Variants in ATP6V0D1 observed in about 807,000 individuals in gnomAD.
ATP6V0D1 encodes ATPase H+ transporting V0 subunit d1, also known as V-type proton ATPase subunit d 1.
A neutral mutation model predicts 39.0 loss-of-function variants in ATP6V0D1; 13 were observed. That is an observed-to-expected ratio of 0.33 (90% CI 0.22 to 0.53). The LOEUF (loss-of-function observed/expected upper bound fraction) is 0.53. ATP6V0D1 is among the 20% of genes least tolerant of loss of function. The pLI, the probability that ATP6V0D1 is intolerant of heterozygous loss-of-function variation, is 0.94. For synonymous variants in ATP6V0D1, 191 were observed against 191.2 expected, an observed-to-expected ratio of 1.00 and a Z score of 0.01; for missense variants, 272 against 470.9, an observed-to-expected ratio of 0.58 and a Z score of 3.91.
intron 1 of ATP6V0D1, among the ~76,000 whole-genome samples, chr16:67,472,059 C>A (rs2041377623): frequency 6.6e-6 from 1 of 152,104 alleles, no homozygotes; most frequent in South Asian, 2.1e-4. Context: ...TGCCAAACCT[C>A]CCCCCTGCCT....
At chr16:67,439,189 GGA>G (rs1444497494) in intron 5 of ATP6V0D1, 42 bp from the exon 6 acceptor site, 3 of 1,613,368 alleles carry the variant, frequency 1.9e-6, no homozygotes, top group Non-Finnish European at 2.5e-6. Context: ...GGAGGAAGAA[GGA>G]GGCAGTAGCC....
intron 1 of ATP6V0D1, chr16:67,455,715 G>A (rs544885719): frequency 1.9e-4 from 29 of 152,302 alleles, no homozygotes; most frequent in African/African-American, 6.7e-4. Context: ...CCTTACCCCA[G>A]GCCGTCTGCA....
chr16:67,445,956 G>A (rs1453155707), intron 2 of ATP6V0D1: 1 of 455,904 alleles, frequency 2.2e-6, no homozygotes, highest in South Asian at 1.5e-5. Flanking sequence ...CCAAGGTCAA[G>A]GTGAGGCACC....
In ATP6V0D1 at chr16:67,453,511, G is replaced by GC; in HGVS notation, c.302+32_302+33insG. On this transcript the variant is annotated intron_variant, in intron 2 of 7. Transcript: ENST00000290949. This position sits in a 1 kb window ranked among gnomAD's most constrained non-coding sequence, Gnocchi z 4.1. ...CTGCAGGTGTAGCTATCCTGCCCAG[G>GC]TAAGAGAAGAAGGCGCTACAAAGCA... is the stretch of plus-strand genomic sequence containing the variant. 6.2e-7 allele frequency: 1 copy of GC among 1,610,638 alleles called. No individual in the cohort carries two copies. Among genetic ancestry groups the GC allele is most frequent in the Admixed American group, 1.7e-5 (1 of 59,914 alleles).
chr16:67,462,067 C>G (rs2041293249), intron 1 of ATP6V0D1, among the ~76,000 whole-genome samples: 1 of 152,180 alleles, frequency 6.6e-6, no homozygotes, highest in African/African-American at 2.4e-5. Context: ...AGGGGCAGAA[C>G]TGGTTACTGC....
At chr16:67,445,625 G>C (rs1171896068) in intron 2 of ATP6V0D1, among the ~76,000 whole-genome samples, 1 of 152,200 alleles carries the variant, frequency 6.6e-6, no homozygotes, top group East Asian at 1.9e-4. Flanking sequence ...GCTGGGTCAG[G>C]TCGATCCCAG....
At chr16:67,459,357 C>T (rs768305930) in intron 1 of ATP6V0D1, 2 of 745,732 alleles carry the variant, frequency 2.7e-6, no homozygotes, top group African/African-American at 1.9e-5. Flanking sequence ...GTGTCAAGGA[C>T]CATTGCCCTG....
At chr16:67,446,563 G>A (rs1029725860) in intron 2 of ATP6V0D1, among the ~76,000 whole-genome samples, 25 of 152,134 alleles carry the variant, frequency 1.6e-4, no homozygotes, top group African/African-American at 5.3e-4. Context: ...CTCAGAGCTC[G>A]CCAGAGCTTT....
At chr16:67,452,581 T>C (rs1206615088) in intron 2 of ATP6V0D1, among the ~76,000 whole-genome samples, 1 of 152,108 alleles carries the variant, frequency 6.6e-6, no homozygotes, top group Non-Finnish European at 1.5e-5. Flanking sequence ...CTCAGGGAAA[T>C]GCTTCACCAT....
At chr16:67,478,936 G>A (rs2041439876) in intron 1 of ATP6V0D1, among the ~76,000 whole-genome samples, 1 of 150,516 alleles carries the variant, frequency 6.6e-6, no homozygotes, top group African/African-American at 2.5e-5. Flanking sequence ...GATCAATGAT[G>A]TTCACCTTAG....
At chr16:67,442,030 G>A (rs1275869531) in intron 4 of ATP6V0D1, among the ~76,000 whole-genome samples, 1 of 152,260 alleles carries the variant, frequency 6.6e-6, no homozygotes, top group Non-Finnish European at 1.5e-5. Flanking sequence ...CTGTCCATCT[G>A]GAATGTGTCC....
chr16:67,472,539 GA>G (rs202019798), intron 1 of ATP6V0D1, among the ~76,000 whole-genome samples: 1,889 of 152,282 alleles, frequency 0.012, 25 homozygotes, highest in Non-Finnish European at 0.017. Flanking sequence ...CAATTCAATA[GA>G]GTTTCCTTTG....
At chr16:67,473,222 G>A (rs967646414) in intron 1 of ATP6V0D1, among the ~76,000 whole-genome samples, 3 of 151,886 alleles carry the variant, frequency 2.0e-5, no homozygotes, top group Non-Finnish European at 4.4e-5. Flanking sequence ...TTTGGGGCTG[G>A]GGGGGGTGGC....
chr16:67,457,478 G>T, intron 1 of ATP6V0D1: 1 of 894,742 alleles, frequency 1.1e-6, no homozygotes, highest in Non-Finnish European at 1.6e-6. Flanking sequence ...TCCCAGATGA[G>T]CTGGCAGGTG....
At position 67,453,461 on chromosome 16, in the gene ATP6V0D1, G is replaced by GC; in HGVS notation, c.302+82dup. 6.5e-7 allele frequency: 1 copy of GC among 1,534,480 alleles called. No individual in the cohort carries two copies. The highest frequency in any genetic ancestry group is 8.9e-7 in the Non-Finnish European group (1 of 1,123,224). On this transcript the variant is annotated intron_variant, in intron 2 of 7. Transcript: ENST00000290949. This position sits in a 1 kb window ranked among gnomAD's most constrained non-coding sequence, Gnocchi z 4.1. ...GCTGACACAGGCACGAAGGCAGCTA[G>GC]CCTAAGCCACACTGAACCCAGCTCC...
intron 1 of ATP6V0D1, among the ~76,000 whole-genome samples, chr16:67,472,579 T>G (rs1304378630): frequency 6.6e-6 from 1 of 152,174 alleles, no homozygotes; most frequent in Non-Finnish European, 1.5e-5. Flanking sequence ...ATAAAATATT[T>G]CCAGGCGGCT....
chr16:67,476,668 G>T (rs1022429517), intron 1 of ATP6V0D1, among the ~76,000 whole-genome samples: 10 of 152,102 alleles, frequency 6.6e-5, no homozygotes, highest in African/African-American at 2.4e-4. Context: ...TGAAACGATG[G>T]CTTCAGTCAA....
chr16:67,439,841 A>C, intron 4 of ATP6V0D1: 2 of 160,428 alleles, frequency 1.2e-5, no homozygotes, highest in Admixed American at 5.9e-5. Context: ...AGATGGTGAA[A>C]CCCCGTCTCT....
At chr16:67,442,926 C>T (rs1275926399) in intron 4 of ATP6V0D1, among the ~76,000 whole-genome samples, 173 bp downstream of exon 4, 1 of 152,150 alleles carries the variant, frequency 6.6e-6, no homozygotes, top group Non-Finnish European at 1.5e-5. Flanking sequence ...AGAACCTGTT[C>T]CACACAGCCT....
Sources: allele counts gnomAD v4.1 joint callset (sites outside exome capture counted in the v4.1 genomes callset), GRCh38; gene constraint gnomAD v4.1.1; non-coding constraint Gnocchi (gnomAD v3.1); transcripts MANE v1.5; gene names NCBI Gene and HGNC (gene_info 2026-07-23, HGNC 2026-07-21).